NRG1: variants seen among roughly 807,000 people sequenced by gnomAD.
NRG1 encodes neuregulin 1.
A neutral mutation model predicts 63.8 loss-of-function variants in NRG1; 18 were observed. The observed-to-expected ratio is 0.28, with a 90% CI of 0.19 to 0.42. NRG1 has a LOEUF of 0.42. Among genes scored for constraint, NRG1 ranks in the 10% least tolerant of loss-of-function variants. NRG1 has a pLI of 1.00. For synonymous variants in NRG1, 302 were observed against 301.3 expected (o/e 1.00, Z -0.02); for missense variants, 762 against 814.7 (o/e 0.94, Z 0.79).
chr8:32,607,100 G>A (rs1261482019), intron 3 of NRG1, among the ~76,000 whole-genome samples: 6 of 152,082 alleles, frequency 3.9e-5, no homozygotes, highest in African/African-American at 1.2e-4. Flanking sequence ...ACCATTAGGA[G>A]TCCTGTTTAT....
intron 6 of NRG1, among the ~76,000 whole-genome samples, chr8:32,739,203 C>G (rs770599681): frequency 2.0e-5 from 3 of 152,136 alleles, no homozygotes; most frequent in Non-Finnish European, 4.4e-5. Context: ...CCTCCCTTTT[C>G]CCAGTTCAGG....
chr8:32,464,434 C>T (rs932454255), intron 1 of NRG1, among the ~76,000 whole-genome samples: 4 of 152,032 alleles, frequency 2.6e-5, no homozygotes, highest in Admixed American at 2.6e-4. Context: ...CACAGCACTA[C>T]CCCAACTCTA....
intron 5 of NRG1, among the ~76,000 whole-genome samples, chr8:32,682,398 A>G (rs1808913354): frequency 6.6e-6 from 1 of 152,182 alleles, no homozygotes; most frequent in Non-Finnish European, 1.5e-5. Context: ...GGTTTTCAAT[A>G]TGTCATGACT....
intron 1 of NRG1, among the ~76,000 whole-genome samples, chr8:32,166,958 T>G (rs938376846): frequency 1.3e-5 from 2 of 152,192 alleles, no homozygotes; most frequent in African/African-American, 4.8e-5. Context: ...ATGGCTGGTT[T>G]CATTGCAAGG....
At chr8:32,336,368 G>A (rs1191055812) in intron 1 of NRG1, among the ~76,000 whole-genome samples, 1 of 152,148 alleles carries the variant, frequency 6.6e-6, no homozygotes, top group Non-Finnish European at 1.5e-5. Flanking sequence ...ACCAGGTGTG[G>A]TCAGGGGATT....
intron 1 of NRG1, among the ~76,000 whole-genome samples, chr8:32,518,387 T>C (rs1830036250): frequency 6.6e-6 from 1 of 152,166 alleles, no homozygotes; most frequent in Non-Finnish European, 1.5e-5. Flanking sequence ...TTGAAATCCA[T>C]AAAGAATCTC....
Position 31,766,298 on chromosome 8 carries a change from C to G in NRG1, c.37+126867C>G, listed in dbSNP as rs1290027326. 2.6e-5 allele frequency among the ~76,000 whole-genome samples: 4 copies of G among 152,274 alleles called. No individual in the cohort carries two copies. In the East Asian group the frequency reaches 7.7e-4, roughly 29 times the overall value. Reference sequence around the variant, plus strand: ...TAAAAAAGATCCCCTGAGTTGTATCCTGAGCTGTCGTAGATAAGTGTCTTC... The same window carrying G: ...TAAAAAAGATCCCCTGAGTTGTATCGTGAGCTGTCGTAGATAAGTGTCTTC... On this transcript the variant is annotated intron_variant, in intron 1 of 10. Coordinates refer to the NRG1 transcript ENST00000519301.
At chr8:32,716,987 G>C (rs923975441) in intron 5 of NRG1, among the ~76,000 whole-genome samples, 3 of 152,052 alleles carry the variant, frequency 2.0e-5, no homozygotes, top group Non-Finnish European at 4.4e-5. Flanking sequence ...TAGAAAAACA[G>C]GTGCTTGTTA....
intron 5 of NRG1, among the ~76,000 whole-genome samples, chr8:32,703,448 T>C (rs1589297591): frequency 6.8e-6 from 1 of 147,732 alleles, no homozygotes; most frequent in South Asian, 2.1e-4. Flanking sequence ...AGATGGAGTC[T>C]CGCTGTGTCG....
chr8:31,663,356 A>G (rs1200058876), intron 1 of NRG1, among the ~76,000 whole-genome samples: 1 of 152,214 alleles, frequency 6.6e-6, no homozygotes, highest in Non-Finnish European at 1.5e-5. Context: ...TATTTCTCTC[A>G]GCAGGGAAGC....
chr8:31,717,339 G>A (rs1296389356), intron 1 of NRG1, among the ~76,000 whole-genome samples: 3 of 151,334 alleles, frequency 2.0e-5, no homozygotes, highest in Admixed American at 2.0e-4. Flanking sequence ...CCCAGGAGGT[G>A]GTGGCTGCAG....
At chr8:32,128,790 T>C (rs1834430361) in intron 1 of NRG1, among the ~76,000 whole-genome samples, 1 of 151,982 alleles carries the variant, frequency 6.6e-6, no homozygotes, top group Admixed American at 6.6e-5. Context: ...CTTAAGAAAC[T>C]GTCAAAGCCT....
intron 1 of NRG1, among the ~76,000 whole-genome samples, chr8:32,511,933 G>C (rs1419027092): frequency 6.6e-6 from 1 of 152,168 alleles, no homozygotes; most frequent in Admixed American, 6.5e-5. Context: ...AGGACCAGTG[G>C]GGTAGAATTA....
At chr8:32,551,865 G>C (rs1007353204) in intron 1 of NRG1, among the ~76,000 whole-genome samples, 1 of 150,168 alleles carries the variant, frequency 6.7e-6, no homozygotes, top group Non-Finnish European at 1.5e-5. Context: ...TACTGATTCA[G>C]CTCAACAGAC....
At chr8:32,090,601 G>A (rs532843853) in intron 1 of NRG1, among the ~76,000 whole-genome samples, 35 of 152,264 alleles carry the variant, frequency 2.3e-4, no homozygotes, top group South Asian at 1.0e-3. Context: ...GATTACAGGC[G>A]TGAGCCACTG....
rs1040574424 is a variant in NRG1, at chr8:31,735,293, A to G, written c.37+95862A>G. ...ATGTTTGCAGATTTGGAGTCTAAAG[A>G]GGAGTAGATTTATTTAAGGGCCATA... On this transcript the variant is annotated intron_variant, in intron 1 of 10. Transcript: ENST00000519301. Among the ~76,000 whole-genome samples, 6 of 152,162 alleles carry G rather than the reference A, an allele frequency of 3.9e-5. 1 individual carries two copies. Among genetic ancestry groups the G allele is most frequent in the Admixed American group, 3.9e-4 (6 of 15,268 alleles).
chr8:32,423,267 G>A (rs941184483), intron 1 of NRG1, among the ~76,000 whole-genome samples: 1 of 152,200 alleles, frequency 6.6e-6, no homozygotes, highest in Non-Finnish European at 1.5e-5. Flanking sequence ...CACTTCATCA[G>A]AGGCCATTTC....
intron 1 of NRG1, among the ~76,000 whole-genome samples, chr8:32,011,222 A>G (rs1343606735): frequency 1.3e-5 from 2 of 152,074 alleles, no homozygotes; most frequent in African/African-American, 4.8e-5. Context: ...TTTCTTTTGC[A>G]TATTATAGAA....
chr8:31,743,093 TA>T (rs2131410897), intron 1 of NRG1, among the ~76,000 whole-genome samples: 1 of 152,098 alleles, frequency 6.6e-6, no homozygotes, highest in African/African-American at 2.4e-5. Flanking sequence ...CAAATAACAA[TA>T]TCTCCAGGCA....
Sources: allele counts gnomAD v4.1 joint callset (sites outside exome capture counted in the v4.1 genomes callset), GRCh38; gene constraint gnomAD v4.1.1; transcripts MANE v1.5; gene names NCBI Gene and HGNC (gene_info 2026-07-23, HGNC 2026-07-21).